Variants in FARP1 observed in about 807,000 individuals in gnomAD.
FARP1 encodes FERM, ARH/RhoGEF and pleckstrin domain protein 1.
Under a neutral mutation model 128.8 loss-of-function variants are expected in FARP1, and 52 were observed. That is an observed-to-expected ratio of 0.40 (90% CI 0.32 to 0.51). The LOEUF is 0.51. Ranked by LOEUF, FARP1 falls within the 20% of genes least tolerant of loss-of-function variation. The probability of loss-of-function intolerance (pLI) is 0.45; values close to 1 mark genes in which losing one functional copy is unlikely to be tolerated. For missense variants in FARP1, 1,333 were observed against 1,367.9 expected, an observed-to-expected ratio of 0.97 and a Z score of 0.40; for synonymous variants, 580 against 551.8, an observed-to-expected ratio of 1.05 and a Z score of -0.72.
intron 2 of FARP1, among the ~76,000 whole-genome samples, chr13:98,275,628 C>CTTTTTTTTTTTTTTTTT (rs201108793): frequency 1.5e-5 from 1 of 67,086 alleles, no homozygotes; most frequent in Non-Finnish European, 3.4e-5. Flanking sequence ...CTCTTTCTCT[C>CTTTTTTTTTTTTTTTTT]TTTTTTTTTT....
At chr13:98,210,228 C>T (rs1195302142) in intron 1 of FARP1, among the ~76,000 whole-genome samples, 1 of 151,988 alleles carries the variant, frequency 6.6e-6, no homozygotes, top group Non-Finnish European at 1.5e-5. Context: ...TTCTGTGGCC[C>T]CTTTGTCCAG....
chr13:98,446,518 A>C, intron 25 of FARP1, 148 bp from the exon 26 acceptor site: 1 of 792,060 alleles, frequency 1.3e-6, no homozygotes, highest in Non-Finnish European at 2.0e-6. Flanking sequence ...CGTACAGGCA[A>C]ACACTGGCTG....
intron 16 of FARP1, among the ~76,000 whole-genome samples, chr13:98,421,131 C>T (rs1891577725): frequency 6.6e-6 from 1 of 152,228 alleles, no homozygotes; most frequent in Admixed American, 6.5e-5. Context: ...TTTGCATCTT[C>T]CAACTGCACA....
intron 6 of FARP1, chr13:98,384,195 T>TA (rs1555342436): frequency 3.3e-5 from 2 of 60,298 alleles, no homozygotes; most frequent in Non-Finnish European, 8.4e-5. Flanking sequence ...TTTTTTTTTG[T>TA]AGGGGGGCGG....
At chr13:98,180,491 A>G (rs1293914875) in intron 1 of FARP1, among the ~76,000 whole-genome samples, 1 of 152,136 alleles carries the variant, frequency 6.6e-6, no homozygotes, top group Non-Finnish European at 1.5e-5. Flanking sequence ...ATTCTCAGCC[A>G]GTCTTCTTGT....
Position 98,446,115 on chromosome 13 carries a change from CCTG to C in FARP1, c.2818_2820del (p.Leu940del). On this transcript the variant is annotated inframe_deletion, in exon 25 of 27. Transcript: ENST00000319562. ...CCTTTCAGAATCAGTTGTCTGGAAA[CCTG>C]CTGAGGAAATTCAAAAACAGCAACG... The C allele has an allele frequency of 6.2e-7, 1 of 1,613,694 alleles. No individual in the cohort carries two copies. The highest frequency in any genetic ancestry group is 8.5e-7 in the Non-Finnish European group (1 of 1,179,620).
chr13:98,330,580 C>A (rs1447719429), intron 2 of FARP1, among the ~76,000 whole-genome samples: 1 of 151,976 alleles, frequency 6.6e-6, no homozygotes, highest in African/African-American at 2.4e-5. Context: ...CATGGTGAAA[C>A]CCCGTCTCTA....
chr13:98,268,658 G>A (rs902057260), intron 2 of FARP1, among the ~76,000 whole-genome samples: 2 of 152,094 alleles, frequency 1.3e-5, no homozygotes, highest in African/African-American at 2.4e-5. Context: ...AGTAGAGACA[G>A]GGTTTCATCA....
chr13:98,175,897 C>T (rs1345918358), intron 1 of FARP1: 2 of 460,220 alleles, frequency 4.3e-6, no homozygotes, highest in South Asian at 4.8e-5. Context: ...ATTTCCTTCC[C>T]GTTAAGGCTT....
intron 2 of FARP1, among the ~76,000 whole-genome samples, chr13:98,281,454 T>A (rs1168879102): frequency 3.9e-5 from 6 of 152,152 alleles, no homozygotes; most frequent in African/African-American, 1.4e-4. Context: ...TTCATTTCCA[T>A]CCTCTTTAAT....
rs1311901285 is a variant in FARP1 at position 98,452,670 on chromosome 13, C to T, written c.*4353C>T. The T allele has an allele frequency of 6.5e-6, 1 of 153,104 alleles. No individual in the cohort carries two copies. The highest frequency in any genetic ancestry group is 1.5e-5 in the Non-Finnish European group (1 of 68,404). 9.5% of individuals were successfully genotyped at this position (153,104 alleles called of 1,614,324 possible). ...TCCACTGACGTTATCTACAGAAGCA[C>T]TTGGCCAGTTTGTACACAGTGATTC... On this transcript the variant is annotated 3_prime_UTR_variant, in exon 27 of 27. Transcript: ENST00000319562.
intron 2 of FARP1, among the ~76,000 whole-genome samples, chr13:98,224,707 G>A (rs564381679): frequency 6.6e-6 from 1 of 152,204 alleles, no homozygotes; most frequent in Admixed American, 6.5e-5. Flanking sequence ...AGAGAGCTGA[G>A]GTGAGCAGTT....
At chr13:98,289,051 C>A (rs1189087423) in intron 2 of FARP1, among the ~76,000 whole-genome samples, 1 of 150,404 alleles carries the variant, frequency 6.6e-6, no homozygotes, top group Non-Finnish European at 1.5e-5. Context: ...GTTTGCGATA[C>A]CGTGTACTCA....
At chr13:98,184,813 T>C (rs555730300) in intron 1 of FARP1, among the ~76,000 whole-genome samples, 191 of 152,356 alleles carry the variant, frequency 1.3e-3, no homozygotes, top group African/African-American at 4.4e-3. Context: ...ATAAATTCAT[T>C]CTGATGTTTT....
intron 2 of FARP1, among the ~76,000 whole-genome samples, chr13:98,230,449 G>T (rs978727408): frequency 1.3e-5 from 2 of 152,152 alleles, no homozygotes; most frequent in Non-Finnish European, 2.9e-5. Context: ...TTATGTCTTT[G>T]CAGTTGTTTT....
chr13:98,341,125 G>A (rs1291314667), intron 2 of FARP1: 1 of 146,014 alleles, frequency 6.8e-6, no homozygotes, highest in Non-Finnish European at 1.5e-5. Context: ...CGAATGTGGG[G>A]GTGTAAAGCG....
In FARP1 at chr13:98,266,055, A is replaced by AT. The variant is rs368073040; in HGVS notation, c.171+52651dup. Among the ~76,000 whole-genome samples, 724 of 150,636 alleles carry AT rather than the reference A, an allele frequency of 4.8e-3. 5 individuals are homozygous for AT. The highest frequency in any genetic ancestry group is 0.013 in the African/African-American group (522 of 41,042). On this transcript the variant is annotated intron_variant, in intron 2 of 26. Coordinates refer to ENST00000319562, the MANE Select transcript of FARP1 (RefSeq NM_005766.4). ...GGACTTGAAAGCGCTTTTTTTTCCC[A>AT]TTTTTTTTTCCTAGAGTGACTGAAT...
intron 16 of FARP1, among the ~76,000 whole-genome samples, chr13:98,416,917 A>G (rs1437984739): frequency 6.6e-6 from 1 of 152,220 alleles, no homozygotes; most frequent in Non-Finnish European, 1.5e-5. Flanking sequence ...CGCAGTTTTC[A>G]TGGAGGATCA....
chr13:98,379,451 C>G (rs1460842400), intron 6 of FARP1, among the ~76,000 whole-genome samples: 3 of 151,436 alleles, frequency 2.0e-5, no homozygotes, highest in Admixed American at 6.6e-5. Flanking sequence ...GACCTGATTT[C>G]TGTTCGTTGG....
Sources: allele counts gnomAD v4.1 joint callset (sites outside exome capture counted in the v4.1 genomes callset), GRCh38; gene constraint gnomAD v4.1.1; transcripts MANE v1.5; gene names NCBI Gene and HGNC (gene_info 2026-07-23, HGNC 2026-07-21).